The following UBAC2 variants were observed in gnomAD, a reference collection of about 807,000 sequenced individuals.
UBAC2 encodes the protein UBA domain containing 2, also known as ubiquitin-associated domain-containing protein 2.
A neutral mutation model predicts 44.0 loss-of-function variants in UBAC2; 26 were observed. That is an observed-to-expected ratio of 0.59 (90% CI 0.43 to 0.82). The LOEUF is 0.82. Among genes scored for constraint, UBAC2 ranks in the 40% least tolerant of loss-of-function variants. The pLI, the probability that UBAC2 is intolerant of heterozygous loss-of-function variation, is 0.00. For missense variants in UBAC2, 329 were observed against 419.4 expected, an observed-to-expected ratio of 0.78 and a Z score of 1.88; for synonymous variants, 155 against 154.3, an observed-to-expected ratio of 1.00 and a Z score of -0.04.
At chr13:99,281,556 A>T (rs536096818) in intron 4 of UBAC2, among the ~76,000 whole-genome samples, 3 of 152,174 alleles carry the variant, frequency 2.0e-5, no homozygotes, top group Admixed American at 2.0e-4. Flanking sequence ...ACAGCCCTGG[A>T]AGGTGAGAAC....
At chr13:99,320,773 A>G (rs1377085584) in intron 6 of UBAC2, among the ~76,000 whole-genome samples, 2 of 152,214 alleles carry the variant, frequency 1.3e-5, no homozygotes, top group East Asian at 1.9e-4. Flanking sequence ...GTAAAAGACA[A>G]TATCAGTATT....
chr13:99,269,028 G>T (rs2043783014), intron 4 of UBAC2, among the ~76,000 whole-genome samples: 1 of 152,148 alleles, frequency 6.6e-6, no homozygotes, highest in African/African-American at 2.4e-5. Flanking sequence ...ACATGCTACG[G>T]GATATAGCTT....
chr13:99,238,841 T>C lies in UBAC2; in HGVS notation c.159+287T>C, dbSNP rs1218037127. ...CTTCAAGGGAATTAAAAACAATGTT[T>C]AATCTTTTTTTAATGCCCAGTAGGC... On this transcript the variant is annotated intron_variant, in intron 2 of 8. Transcript: ENST00000403766. Among the ~76,000 whole-genome samples, 4 of 152,218 alleles carry C rather than the reference T, an allele frequency of 2.6e-5. No homozygotes were observed. In the East Asian group the frequency reaches 7.7e-4, roughly 29 times the overall value.
intron 1 of UBAC2, among the ~76,000 whole-genome samples, chr13:99,209,199 C>T (rs1038888162): frequency 3.9e-5 from 6 of 152,056 alleles, no homozygotes; most frequent in African/African-American, 9.7e-5. Context: ...AATAGGCCAT[C>T]GAGCCCCTAC....
chr13:99,296,279 ATATC>A (rs1259446779), intron 4 of UBAC2: 9 of 722,268 alleles, frequency 1.2e-5, no homozygotes, highest in Non-Finnish European at 1.8e-5. Context: ...TGTCTTTTAT[ATATC>A]TAAGTTTTAA....
chr13:99,298,061 A>G (rs2044202879), intron 4 of UBAC2, among the ~76,000 whole-genome samples: 1 of 152,206 alleles, frequency 6.6e-6, no homozygotes, highest in Admixed American at 6.5e-5. Context: ...TGAAATTTGC[A>G]TGTAACAGCA....
At position 99,308,470 on chromosome 13, in the gene UBAC2, A is replaced by T. The variant is rs6491496; in HGVS notation, c.390-5627A>T. On this transcript the variant is annotated intron_variant, in intron 4 of 8. Coordinates refer to ENST00000403766, the MANE Select transcript of UBAC2 (RefSeq NM_001144072.2). ...AGAAGTTACTGGACATAGCTTTTGG[A>T]TCAAAAGATGAGAGTCATTCCCAAA... 4.7e-3 allele frequency among the ~76,000 whole-genome samples: 715 copies of T among 152,308 alleles called. 4 individuals are homozygous for T. The highest frequency in any genetic ancestry group is 0.016 in the African/African-American group (654 of 41,568).
At chr13:99,288,692 A>G (rs961615251) in intron 4 of UBAC2, among the ~76,000 whole-genome samples, 2 of 152,248 alleles carry the variant, frequency 1.3e-5, no homozygotes, top group African/African-American at 4.8e-5. Flanking sequence ...TTTAAATGTC[A>G]TTCTAATTTC....
At chr13:99,369,604 A>G (rs1281556903) in intron 8 of UBAC2, among the ~76,000 whole-genome samples, 7 of 152,204 alleles carry the variant, frequency 4.6e-5, no homozygotes, top group African/African-American at 1.4e-4. Context: ...AACTTATGAT[A>G]TTTTCAACGT....
At chr13:99,235,656 T>C (rs1427574174) in intron 1 of UBAC2, among the ~76,000 whole-genome samples, 2 of 152,140 alleles carry the variant, frequency 1.3e-5, no homozygotes, top group African/African-American at 4.8e-5. Context: ...GAACATACAA[T>C]GGAGAAACGA....
chr13:99,202,659 G>A (rs576945383), intron 1 of UBAC2, among the ~76,000 whole-genome samples: 1 of 152,336 alleles, frequency 6.6e-6, no homozygotes, highest in Admixed American at 6.5e-5. Context: ...GGTGAGTGTT[G>A]AATTCTAGGA....
intron 7 of UBAC2, among the ~76,000 whole-genome samples, chr13:99,350,432 G>T (rs941213285): frequency 1.3e-5 from 2 of 152,172 alleles, no homozygotes; most frequent in Non-Finnish European, 2.9e-5. Flanking sequence ...AGGGAGAGGG[G>T]TTGAGTTGAT....
chr13:99,209,624 C>T (rs1174860199), intron 1 of UBAC2, among the ~76,000 whole-genome samples: 1 of 152,210 alleles, frequency 6.6e-6, no homozygotes, highest in African/African-American at 2.4e-5. Context: ...CTCTTCCCCA[C>T]CAGTCTTAAG....
intron 4 of UBAC2, among the ~76,000 whole-genome samples, chr13:99,280,830 CCTCTCTCT>C (rs36041704): frequency 1.8e-5 from 2 of 109,004 alleles, no homozygotes; most frequent in African/African-American, 2.9e-5. Flanking sequence ...TTCTTCTTTC[CCTCTCTCT>C]CTCTCTCTCT....
At chr13:99,380,122 A>G (rs947095118) in intron 8 of UBAC2, among the ~76,000 whole-genome samples, 2 of 152,220 alleles carry the variant, frequency 1.3e-5, no homozygotes, top group Non-Finnish European at 2.9e-5. Flanking sequence ...ACTGCAGCCC[A>G]TCACATGAGG....
rs60367498 is a variant in UBAC2 at position 99,296,776 on chromosome 13, C to T, written c.390-17321C>T. On this transcript the variant is annotated intron_variant, in intron 4 of 8. Transcript: ENST00000403766. Reference sequence around the variant, plus strand: ...TTTTTAAAAAGAAGAAGACGACGACCGCAACAACCATGACTAAAATGACAA... The same window carrying T: ...TTTTTAAAAAGAAGAAGACGACGACTGCAACAACCATGACTAAAATGACAA... 1.0e-2 allele frequency among the ~76,000 whole-genome samples: 1,516 copies of T among 151,710 alleles called. 29 individuals carry two copies. The highest frequency in any genetic ancestry group is 0.035 in the African/African-American group (1,466 of 41,334).
At chr13:99,265,584 C>T (rs2043732115) in intron 4 of UBAC2, among the ~76,000 whole-genome samples, 1 of 152,218 alleles carries the variant, frequency 6.6e-6, no homozygotes, top group African/African-American at 2.4e-5. Context: ...ACTTTCACCC[C>T]TTTTCTTCTT....
At chr13:99,244,313 TG>T (rs2043354686) in intron 3 of UBAC2, among the ~76,000 whole-genome samples, 1 of 151,920 alleles carries the variant, frequency 6.6e-6, no homozygotes, top group African/African-American at 2.4e-5. Flanking sequence ...TTGAGCAATA[TG>T]GGTTTACCCC....
intron 1 of UBAC2, among the ~76,000 whole-genome samples, chr13:99,207,724 T>C (rs780009101): frequency 1.3e-5 from 2 of 152,196 alleles, no homozygotes; most frequent in African/African-American, 4.8e-5. Context: ...TTTGTCTCAC[T>C]GTAGAGCTGG....
Sources: allele counts gnomAD v4.1 joint callset (sites outside exome capture counted in the v4.1 genomes callset), GRCh38; gene constraint gnomAD v4.1.1; transcripts MANE v1.5; gene names NCBI Gene and HGNC (gene_info 2026-07-23, HGNC 2026-07-21).